TMEM169: variants seen among roughly 807,000 people sequenced by gnomAD.
The protein encoded by TMEM169 is transmembrane protein 169.
A neutral mutation model predicts 27.3 loss-of-function variants in TMEM169; 18 were observed. The observed-to-expected ratio is 0.66, with a 90% CI of 0.46 to 0.98. The LOEUF is 0.98. Among genes scored for constraint, TMEM169 ranks in the 50% least tolerant of loss-of-function variants. The pLI is 0.00. For missense variants in TMEM169, 320 were observed against 368.6 expected, an observed-to-expected ratio of 0.87 and a Z score of 1.08; for synonymous variants, 136 against 142.1, an observed-to-expected ratio of 0.96 and a Z score of 0.30.
intron 1 of TMEM169, among the ~76,000 whole-genome samples, chr2:216,094,979 T>C (rs1228780794): frequency 1.3e-5 from 2 of 152,154 alleles, no homozygotes; most frequent in Non-Finnish European, 2.9e-5. Flanking sequence ...TAGACACAGT[T>C]GGTGAGGTTG....
intron 1 of TMEM169, among the ~76,000 whole-genome samples, chr2:216,089,862 G>C (rs1252193360): frequency 6.6e-6 from 1 of 152,198 alleles, no homozygotes; most frequent in African/African-American, 2.4e-5. Context: ...GAACCTAATA[G>C]GTCAAGTGTG....
Position 216,100,025 on chromosome 2 carries a change from A to C in TMEM169, c.377A>C (p.Glu126Ala). 6.2e-7 allele frequency: 1 copy of C among 1,614,164 alleles called. No homozygotes were observed. Among genetic ancestry groups the C allele is most frequent in the South Asian group, 1.1e-5 (1 of 91,082 alleles). ...GTGGACATCCATGTCACATTGACAGAGAAAGAGCTGCAGGAACTGACCAAA... is the reference window on the plus strand; with the variant it reads ...GTGGACATCCATGTCACATTGACAGCGAAAGAGCTGCAGGAACTGACCAAA... ...QMVDIHVTLT[E>A]KELQELTKPK... The change falls in exon 3 of 3, where the codon GAG becomes GCG. Residue 126 changes from glutamate (E) to alanine (A), a missense_variant. Glu to Ala is a moderately radical substitution (Grantham distance 107). Coordinates refer to ENST00000437356, the MANE Select transcript of TMEM169 (RefSeq NM_001142311.2).
chr2:216,082,229 C>G (rs1695879644), intron 1 of TMEM169: 2 of 167,124 alleles, frequency 1.2e-5, no homozygotes, highest in African/African-American at 4.8e-5. Context: ...TGCTGTGGCT[C>G]CAGGTGCTGT....
intron 1 of TMEM169, among the ~76,000 whole-genome samples, chr2:216,085,061 C>T (rs907528719): frequency 9.9e-5 from 15 of 152,214 alleles, no homozygotes; most frequent in Non-Finnish European, 1.8e-4. Flanking sequence ...GCGATCTCGG[C>T]TCACTGCAGC....
chr2:216,100,491 C>T lies in TMEM169; in HGVS notation c.843C>T (p.Ser281=). 1.2e-6 allele frequency: 2 copies of T among 1,614,096 alleles called. No individual in the cohort carries two copies. The highest frequency in any genetic ancestry group is 1.7e-6 in the Non-Finnish European group (2 of 1,180,030). The change falls in exon 3 of 3, where the codon AGC becomes AGT. Residue 281 remains serine (S), a synonymous_variant. Transcript: ENST00000437356. ...TGCTTGAATCCGACAATATCTCAAGCACTCTCTCCAACAAGGACCCCATCC... is the reference window on the plus strand; with the variant it reads ...TGCTTGAATCCGACAATATCTCAAGTACTCTCTCCAACAAGGACCCCATCC... The part of the protein sequence containing the change: ...VELLESDNIS[S]TLSNKDPIQE...
At chr2:216,084,410 G>C (rs1695950054) in intron 1 of TMEM169, among the ~76,000 whole-genome samples, 1 of 152,120 alleles carries the variant, frequency 6.6e-6, no homozygotes, top group Non-Finnish European at 1.5e-5. Context: ...CTTCTCCTTA[G>C]TCTCAGGCTT....
chr2:216,100,382 C>A lies in TMEM169; in HGVS notation c.734C>A (p.Ala245Asp). ...SWSWEAWWQA[A>D]RDMEKGFCGW... ...TCCTGGGAAGCATGGTGGCAAGCTG[C>A]CCGGGACATGGAGAAAGGCTTCTGT... The change falls in exon 3 of 3, where the codon GCC (alanine) becomes GAC (aspartate). Residue 245 changes from alanine (A) to aspartate (D), a missense_variant. Ala to Asp is a moderately radical substitution (Grantham distance 126). Coordinates refer to ENST00000437356, the MANE Select transcript of TMEM169 (RefSeq NM_001142311.2). 1 of 1,614,024 alleles carries A rather than the reference C, an allele frequency of 6.2e-7. No homozygotes were observed. Among genetic ancestry groups the A allele is most frequent in the Non-Finnish European group, 8.5e-7 (1 of 1,180,002 alleles).
intron 2 of TMEM169, among the ~76,000 whole-genome samples, chr2:216,097,739 G>A (rs534463265): frequency 2.6e-5 from 4 of 152,270 alleles, no homozygotes; most frequent in South Asian, 2.1e-4. Context: ...TAGTGAACAA[G>A]TCAACAAATA....
chr2:216,087,151 T>C lies in TMEM169; in HGVS notation c.-127+5172T>C, dbSNP rs115197093. On this transcript the variant is annotated intron_variant, in intron 1 of 2. Transcript: ENST00000437356. ...GAAGAAACCAACATAAGCACATGTG[T>C]TGAGTAGTCACGTTGCAGGAAAGGG... Among the ~76,000 whole-genome samples the C allele has an allele frequency of 6.5e-3, 944 of 145,780 alleles. 8 individuals are homozygous for C. Among genetic ancestry groups the C allele is most frequent in the Middle Eastern group, 0.014 (4 of 292 alleles).
In TMEM169 at chr2:216,081,941, C is replaced by A; in HGVS notation, c.-165C>A. On this transcript the variant is annotated 5_prime_UTR_variant, in exon 1 of 3. Coordinates refer to ENST00000437356, the MANE Select transcript of TMEM169 (RefSeq NM_001142311.2). ...AGCAGAACCGCTCCCCGCCGGCTGT[C>A]CGCAACCTCCGCCAGCGTCGGTCCC... The A allele has an allele frequency of 6.9e-6, 4 of 578,094 alleles. No individual in the cohort carries two copies. The South Asian group carries it at 8.3e-5, about 12-fold the overall frequency. 35.8% of individuals were successfully genotyped at this position (578,094 alleles called of 1,614,324 possible).
chr2:216,081,989 C>T lies in TMEM169; in HGVS notation c.-127+10C>T. On this transcript the variant is annotated intron_variant, in intron 1 of 2. Transcript: ENST00000437356. ...CCCTGGGCAGGTGTGGGTGAGACTG[C>T]TCGTTCGTTTCTTTAAATTTCGATG... The T allele has an allele frequency of 4.0e-6, 2 of 494,890 alleles. No homozygotes were observed. The highest frequency in any genetic ancestry group is 3.7e-5 in the East Asian group (1 of 26,850). The allele number at this position is 494,890 out of a possible 1,614,324, so 30.7% of individuals were successfully genotyped here. A position where few individuals can be genotyped will look rare whatever the true frequency, so the allele number is the denominator to read the frequency against.
chr2:216,098,567 T>C (rs942086142), intron 2 of TMEM169, among the ~76,000 whole-genome samples: 2 of 152,142 alleles, frequency 1.3e-5, no homozygotes, highest in African/African-American at 4.8e-5. Context: ...GGCCCTGCTC[T>C]TTAGGTGGCT....
In TMEM169 at chr2:216,095,939, G is replaced by T; in HGVS notation, c.-25G>T. On this transcript the variant is annotated 5_prime_UTR_variant, in exon 2 of 3. Transcript: ENST00000437356. ...CTCAAACAAGTCCAACTCTTTATAA[G>T]ACATAGGTAGACGTCAGGTCTGGAA... 6.2e-7 allele frequency: 1 copy of T among 1,604,088 alleles called. No homozygotes were observed. Among genetic ancestry groups the T allele is most frequent in the South Asian group, 1.1e-5 (1 of 90,270 alleles).
Position 216,095,936 on chromosome 2 carries a change from T to C in TMEM169, c.-28T>C. Reference sequence around the variant, plus strand: ...TTACTCAAACAAGTCCAACTCTTTATAAGACATAGGTAGACGTCAGGTCTG... The same window carrying C: ...TTACTCAAACAAGTCCAACTCTTTACAAGACATAGGTAGACGTCAGGTCTG... On this transcript the variant is annotated 5_prime_UTR_variant, in exon 2 of 3. Transcript: ENST00000437356. 6.3e-7 allele frequency: 1 copy of C among 1,595,416 alleles called. No individual in the cohort carries two copies. Among genetic ancestry groups the C allele is most frequent in the East Asian group, 2.2e-5 (1 of 44,680 alleles).
chr2:216,085,612 T>A lies in TMEM169; in HGVS notation c.-127+3633T>A, dbSNP rs952966024. Among the ~76,000 whole-genome samples, 26 of 152,196 alleles carry A rather than the reference T, an allele frequency of 1.7e-4. 1 individual carries two copies. Among genetic ancestry groups the A allele is most frequent in the Admixed American group, 1.6e-3 (25 of 15,286 alleles). ...TGGGCCGGGAGCAGTGGCTCACGCC[T>A]GTAATCCCAGCACTTTGGGAGGCCA... On this transcript the variant is annotated intron_variant, in intron 1 of 2. Transcript: ENST00000437356.
At chr2:216,091,888 G>A (rs1423822921) in intron 1 of TMEM169, among the ~76,000 whole-genome samples, 2 of 152,074 alleles carry the variant, frequency 1.3e-5, no homozygotes, top group Non-Finnish European at 2.9e-5. Flanking sequence ...TAAGTTTGTG[G>A]GAATGTTTTG....
Position 216,096,245 on chromosome 2 carries a change from C to T in TMEM169, c.271+11C>T. ...ATCCTGTGGATGATGGTAAGTCTCT[C>T]TAGCCCACTTGTTTAAAGCCATGGG... On this transcript the variant is annotated intron_variant, in intron 2 of 2. Coordinates refer to ENST00000437356, the MANE Select transcript of TMEM169 (RefSeq NM_001142311.2). The T allele has an allele frequency of 1.9e-6, 3 of 1,608,724 alleles. No individual in the cohort carries two copies. The South Asian group carries it at 3.3e-5, about 18-fold the overall frequency.
In TMEM169 at chr2:216,099,004, G is replaced by C. The variant is rs1057499016; in HGVS notation, c.272-916G>C. The stretch of plus-strand genomic sequence containing the variant: ...GTGGGTATGTGTAGTGTATATATGT[G>C]GAATGTGTGGGGGGCAGCATTTGTG... On this transcript the variant is annotated intron_variant, in intron 2 of 2. Transcript: ENST00000437356. The surrounding 1 kb of genome is among the most constrained non-coding windows in gnomAD (Gnocchi z 5.0). Among the ~76,000 whole-genome samples, 1 of 146,528 alleles carries C rather than the reference G, an allele frequency of 6.8e-6. No homozygotes were observed. The highest frequency in any genetic ancestry group is 1.5e-5 in the Non-Finnish European group (1 of 67,186).
At position 216,096,046 on chromosome 2, in the gene TMEM169, C is replaced by T. The variant is rs371420919; in HGVS notation, c.83C>T (p.Ala28Val). ...QGSLRKAVAAALALDGESTMG... is the reference protein window; with the variant it reads ...QGSLRKAVAAVLALDGESTMG... The stretch of plus-strand genomic sequence containing the variant: ...TCTCTCAGGAAGGCTGTGGCTGCTG[C>T]CCTGGCGCTGGATGGGGAATCCACA... The change falls in exon 2 of 3, where the codon GCC becomes GTC. Residue 28 changes from alanine to valine, a missense_variant. Transcript: ENST00000437356. 1.2e-6 allele frequency: 2 copies of T among 1,614,078 alleles called. No individual in the cohort carries two copies. The highest frequency in any genetic ancestry group is 1.3e-5 in the African/African-American group (1 of 74,922).
Sources: gnomAD v4.1 joint callset for allele counts (sites outside exome capture counted in the v4.1 genomes callset) on GRCh38, gnomAD v4.1.1 for gene constraint, Gnocchi (gnomAD v3.1) non-coding constraint, MANE v1.5 for transcripts, NCBI Gene and HGNC (gene_info 2026-07-23, HGNC 2026-07-21) for gene names.